AMPD1: variants seen among roughly 807,000 people sequenced by gnomAD.
The protein encoded by AMPD1 is adenosine monophosphate deaminase 1.
Under a neutral mutation model 82.9 loss-of-function variants are expected in AMPD1, and 74 were observed. The ratio of observed to expected loss-of-function variants is 0.89; its 90% CI spans 0.74 to 1.08. The LOEUF is 1.08. AMPD1 is among the 50% of genes least tolerant of loss of function. The probability of loss-of-function intolerance (pLI) is 0.00; values close to 1 mark genes in which losing one functional copy is unlikely to be tolerated. For synonymous variants in AMPD1, 333 were observed against 320.5 expected (o/e 1.04, Z -0.42); for missense variants, 881 against 924.5 (o/e 0.95, Z 0.61).
In AMPD1 at chr1:114,679,620, G is replaced by C; in HGVS notation, c.856C>G (p.Leu286Val). ...AAATCTCGGTGGGGGTTGTTTTTCA[G>C]CTCCTTTAACTCGTCCATCTCGTTA... is the stretch of plus-strand genomic sequence containing the variant. Reference protein sequence around the residue: ...MLNEMDELKELKNNPHRDFYN... With the variant: ...MLNEMDELKEVKNNPHRDFYN... The change falls in exon 7 of 16, where the codon CTG (leucine) becomes GTG (valine). Residue 286 changes from leucine (L) to valine (V), a missense_variant. Leu to Val is a conservative substitution (Grantham distance 32, BLOSUM62 1). This residue lies in a region of AMPD1 where 783 missense variants were observed against 786.4 expected (regional missense o/e 1.00). Transcript: ENST00000520113. 1 of 1,612,046 alleles carries C rather than the reference G, an allele frequency of 6.2e-7. No homozygotes were observed. Among genetic ancestry groups the C allele is most frequent in the South Asian group, 1.1e-5 (1 of 90,948 alleles).
rs1346652212 is a variant in AMPD1, at chr1:114,673,962, C to G, written c.1921G>C (p.Gly641Arg). Reference sequence around the variant, plus strand: ...TCTGTAGACAGTGAGATCATTAGCCCTTTCTGAAGGAAATCCAAAAAAGGA... The same window carrying G: ...TCTGTAGACAGTGAGATCATTAGCCGTTTCTGAAGGAAATCCAAAAAAGGA... ...KNPFLDFLQK[G>R]LMISLSTDDP... The change falls in exon 14 of 16, where the codon GGG (glycine) becomes CGG (arginine). Residue 641 changes from glycine to arginine, a missense_variant. Gly to Arg is a moderately radical substitution (Grantham distance 125). Transcript: ENST00000520113. 10 of 1,614,060 alleles carry G rather than the reference C, an allele frequency of 6.2e-6. No individual in the cohort carries two copies. Among genetic ancestry groups the G allele is most frequent in the South Asian group, 1.1e-5 (1 of 91,080 alleles).
At chr1:114,674,193 C>T (rs1020566638) in intron 13 of AMPD1, 111 bp from the exon 14 acceptor site, 19 of 993,512 alleles carry the variant, frequency 1.9e-5, no homozygotes, top group African/African-American at 6.6e-5. Context: ...AAAATTATCA[C>T]TTGTTCTTCA....
At chr1:114,690,123 A>G (rs1217915194) in intron 2 of AMPD1, among the ~76,000 whole-genome samples, 1 of 152,074 alleles carries the variant, frequency 6.6e-6, no homozygotes, top group Non-Finnish European at 1.5e-5. Context: ...AAAAGTCCAT[A>G]TTTTCTATTC....
intron 2 of AMPD1, chr1:114,689,021 A>G: frequency 1.5e-6 from 1 of 652,958 alleles, no homozygotes; most frequent in East Asian, 3.3e-5. Flanking sequence ...CTGTTGTAGG[A>G]CTAGCACCTC....
At chr1:114,684,879 C>G (rs949941323) in intron 4 of AMPD1, among the ~76,000 whole-genome samples, 7 of 152,130 alleles carry the variant, frequency 4.6e-5, no homozygotes, top group African/African-American at 1.7e-4. Context: ...TACGATGGAT[C>G]ACAACATCAT....
chr1:114,687,672 T>C (rs1353050760), intron 3 of AMPD1, among the ~76,000 whole-genome samples: 2 of 151,426 alleles, frequency 1.3e-5, no homozygotes, highest in Non-Finnish European at 2.9e-5. Flanking sequence ...AATCCTAGAG[T>C]GGTTCAAATA....
intron 3 of AMPD1, among the ~76,000 whole-genome samples, chr1:114,687,858 A>G (rs887941249): frequency 6.6e-6 from 1 of 152,134 alleles, no homozygotes; most frequent in Non-Finnish European, 1.5e-5. Context: ...GGAGCATAAC[A>G]CTAAGGTTGG....
chr1:114,678,274 A>C, intron 8 of AMPD1, 59 bp downstream of exon 8: 1 of 1,584,186 alleles, frequency 6.3e-7, no homozygotes, highest in Non-Finnish European at 8.7e-7. Context: ...GGCTTGTAGG[A>C]GAAAGACATG....
chr1:114,689,651 T>C (rs1225225630), intron 2 of AMPD1, among the ~76,000 whole-genome samples: 1 of 152,202 alleles, frequency 6.6e-6, no homozygotes, highest in Non-Finnish European at 1.5e-5. Flanking sequence ...ACCCTGTCTC[T>C]ACTAAAAATA....
At chr1:114,688,238 C>G (rs1010682772) in intron 3 of AMPD1, among the ~76,000 whole-genome samples, 1 of 152,148 alleles carries the variant, frequency 6.6e-6, no homozygotes, top group African/African-American at 2.4e-5. Flanking sequence ...AGCGATTCTC[C>G]TGCCTCAACC....
At chr1:114,686,056 G>A (rs1658306966) in intron 4 of AMPD1, among the ~76,000 whole-genome samples, 1 of 152,132 alleles carries the variant, frequency 6.6e-6, no homozygotes. Flanking sequence ...TTTATTAATT[G>A]ACCAACTGTT....
Position 114,679,633 on chromosome 1 carries a change from G to C in AMPD1, c.843C>G (p.Asp281Glu), listed in dbSNP as rs145030449. The C allele has an allele frequency of 2.5e-6, 4 of 1,613,822 alleles. No homozygotes were observed. Among genetic ancestry groups the C allele is most frequent in the Non-Finnish European group, 3.4e-6 (4 of 1,179,968 alleles). Residue 281 changes from aspartate to glutamate, a missense_variant, in exon 7 of 16, where the codon GAC (aspartate) becomes GAG (glutamate). Around this residue, in one of 2 missense-constraint regions of AMPD1, gnomAD observed 783 missense variants for 786.4 expected, o/e 1.00. Coordinates refer to ENST00000520113, the MANE Select transcript of AMPD1 (RefSeq NM_000036.3). The part of the protein sequence containing the change: ...FQVHQMLNEM[D>E]ELKELKNNPH... ...GGTTGTTTTTCAGCTCCTTTAACTC[G>C]TCCATCTCGTTAAGCATCTGATGGA... is the stretch of plus-strand genomic sequence containing the variant.
At chr1:114,678,635 A>G (rs1437744815) in intron 7 of AMPD1, 108 bp from the exon 8 acceptor site, 1 of 1,032,740 alleles carries the variant, frequency 9.7e-7, no homozygotes, top group Non-Finnish European at 1.5e-6. Flanking sequence ...CAAAGTGAAT[A>G]ATGAGGATGT....
At chr1:114,690,717 CT>C (rs1658487996) in intron 2 of AMPD1, among the ~76,000 whole-genome samples, 1 of 148,214 alleles carries the variant, frequency 6.7e-6, no homozygotes. Flanking sequence ...CCACACCCTA[CT>C]GCCAACTGAT....
chr1:114,676,102 A>T, intron 10 of AMPD1, 99 bp from the exon 11 acceptor site: 1 of 1,375,856 alleles, frequency 7.3e-7, no homozygotes, highest in South Asian at 1.2e-5. Context: ...ATGCACAGGA[A>T]AAGACGTGGT....
At chr1:114,679,139 T>C (rs1658081527) in intron 7 of AMPD1, among the ~76,000 whole-genome samples, 1 of 152,188 alleles carries the variant, frequency 6.6e-6, no homozygotes, top group African/African-American at 2.4e-5. Flanking sequence ...GCTAGCTCAT[T>C]TGATATTCAC....
Position 114,675,881 on chromosome 1 carries a change from T to C in AMPD1, c.1511A>G (p.Lys504Arg), listed in dbSNP as rs1657967292. ...QADPELSVFL[K>R]HITGFDSVDD... ...GGCCTGAAGGGTCATGCTTACATGCTTGAGGAAGACACTGAGTTCTGGGTC... is the reference window on the plus strand; with the variant it reads ...GGCCTGAAGGGTCATGCTTACATGCCTGAGGAAGACACTGAGTTCTGGGTC... Residue 504 changes from lysine to arginine, a missense_variant, in exon 11 of 16, where the codon AAG (lysine) becomes AGG (arginine). By Grantham distance (26) the Lys-to-Arg change is conservative. Transcript: ENST00000520113. 2 of 1,614,044 alleles carry C rather than the reference T, an allele frequency of 1.2e-6. No individual in the cohort carries two copies. Among genetic ancestry groups the C allele is most frequent in the African/African-American group, 1.3e-5 (1 of 74,920 alleles).
chr1:114,687,664 T>TCCTA (rs1658360548), intron 3 of AMPD1, among the ~76,000 whole-genome samples: 1 of 152,054 alleles, frequency 6.6e-6, no homozygotes, highest in Non-Finnish European at 1.5e-5. Context: ...TGGTAGTGAA[T>TCCTA]CCTAGAGTGG....
rs1657926535 is a variant in AMPD1 at position 114,674,602 on chromosome 1, A to G, written c.1800+150T>C. 4.4e-6 allele frequency: 4 copies of G among 900,286 alleles called. No homozygotes were observed. In the Admixed American group the frequency reaches 8.0e-5, roughly 18 times the overall value. The allele number at this position is 900,286 out of a possible 1,614,324, so 55.8% of individuals were successfully genotyped here. A position where few individuals can be genotyped will look rare whatever the true frequency, so the allele number is the denominator to read the frequency against. ...AGCAAGTCCCTTTACTTCTTTCTGT[A>G]GAATGAACTGCACTAAACTAAAAAA... On this transcript the variant is annotated intron_variant, in intron 13 of 15. Transcript: ENST00000520113.
Sources: gnomAD v4.1 joint callset for allele counts (sites outside exome capture counted in the v4.1 genomes callset) on GRCh38, gnomAD v4.1.1 for gene constraint, gnomAD v4.1.1 regional missense constraint, MANE v1.5 for transcripts, NCBI Gene and HGNC (gene_info 2026-07-23, HGNC 2026-07-21) for gene names.